The following GALNT13 variants were observed in gnomAD, a reference collection of about 807,000 sequenced individuals.
The protein encoded by GALNT13 is polypeptide N-acetylgalactosaminyltransferase 13.
Under a neutral mutation model 64.2 loss-of-function variants are expected in GALNT13, and 28 were observed. The ratio of observed to expected loss-of-function variants is 0.44; its 90% CI spans 0.32 to 0.60. GALNT13 has a LOEUF of 0.60. GALNT13 is among the 20% of genes least tolerant of loss of function. The pLI is 0.05. For missense variants in GALNT13, 577 were observed against 669.8 expected (o/e 0.86, Z 1.53); for synonymous variants, 214 against 224.6 (o/e 0.95, Z 0.42).
chr2:153,388,390 G>A, the GALNT13 span, among the ~76,000 whole-genome samples: 4 of 152,008 alleles, frequency 2.6e-5, no homozygotes, highest in African/African-American at 7.2e-5. Context: ...CTCAGGCAGT[G>A]TCTCATGAGA....
the GALNT13 span, among the ~76,000 whole-genome samples, chr2:153,110,103 C>T: frequency 6.6e-6 from 1 of 152,094 alleles, no homozygotes; most frequent in African/African-American, 2.4e-5. Context: ...GATTAATACA[C>T]ATTCATGAAG....
At chr2:153,595,115 A>T in the GALNT13 span, among the ~76,000 whole-genome samples, 1 of 152,232 alleles carries the variant, frequency 6.6e-6, no homozygotes, top group African/African-American at 2.4e-5. Flanking sequence ...GAGTGAAAAA[A>T]TAGGAGAAAA....
chr2:154,250,423 C>T (rs1029158059), intron 7 of GALNT13, among the ~76,000 whole-genome samples: 4 of 152,016 alleles, frequency 2.6e-5, no homozygotes, highest in East Asian at 3.9e-4. Context: ...CAATTACTTA[C>T]GATGTTTCTC....
At chr2:153,813,295 C>T in the GALNT13 span, among the ~76,000 whole-genome samples, 2 of 152,252 alleles carry the variant, frequency 1.3e-5, no homozygotes, top group African/African-American at 2.4e-5. Flanking sequence ...AATTTGCATA[C>T]TGATAAAACA....
chr2:154,293,808 A>C (rs1256506824), intron 8 of GALNT13, among the ~76,000 whole-genome samples: 2 of 151,866 alleles, frequency 1.3e-5, no homozygotes, highest in Non-Finnish European at 2.9e-5. Flanking sequence ...GTCATTGTGG[A>C]CTCCACTCAA....
At chr2:154,110,943 C>T (rs919250924) in intron 3 of GALNT13, among the ~76,000 whole-genome samples, 22 of 152,118 alleles carry the variant, frequency 1.4e-4, no homozygotes, top group African/African-American at 4.8e-4. Flanking sequence ...AATACTATTA[C>T]ATAAAGTTAG....
chr2:154,410,322 C>T (rs2105395635), intron 11 of GALNT13, among the ~76,000 whole-genome samples: 1 of 152,028 alleles, frequency 6.6e-6, no homozygotes, highest in East Asian at 1.9e-4. Flanking sequence ...TTAATTTTCT[C>T]ACATAATAAA....
At chr2:154,057,864 A>T (rs1699975476) in intron 3 of GALNT13, among the ~76,000 whole-genome samples, 1 of 152,346 alleles carries the variant, frequency 6.6e-6, no homozygotes, top group Admixed American at 6.5e-5. Flanking sequence ...AAGGAAAAGT[A>T]CTTTTAGAAT....
intron 12 of GALNT13, among the ~76,000 whole-genome samples, chr2:154,444,913 A>G (rs1701488595): frequency 6.6e-6 from 1 of 152,068 alleles, no homozygotes; most frequent in South Asian, 2.1e-4. Context: ...TTTTAGTGAT[A>G]GAAAAAATGC....
chr2:153,319,554 T>A, the GALNT13 span, among the ~76,000 whole-genome samples: 1 of 152,178 alleles, frequency 6.6e-6, no homozygotes, highest in Non-Finnish European at 1.5e-5. Flanking sequence ...GTTGGAATTA[T>A]AGGTGTGAGC....
At chr2:154,162,674 A>G (rs1684802927) in intron 4 of GALNT13, among the ~76,000 whole-genome samples, 1 of 152,214 alleles carries the variant, frequency 6.6e-6, no homozygotes, top group South Asian at 2.1e-4. Flanking sequence ...ACAGTGTTAG[A>G]TAAAGAGACA....
intron 4 of GALNT13, among the ~76,000 whole-genome samples, chr2:154,225,149 A>G (rs1167797713): frequency 1.2e-5 from 1 of 80,980 alleles, no homozygotes; most frequent in East Asian, 3.0e-4. Flanking sequence ...GATAGATGAC[A>G]GATAGATAGA....
chr2:153,768,338 T>C, the GALNT13 span, among the ~76,000 whole-genome samples: 2 of 152,192 alleles, frequency 1.3e-5, no homozygotes, highest in African/African-American at 4.8e-5. Context: ...ACATCCAGAA[T>C]GTCACTGTTG....
chr2:154,256,036 T>TCA (rs1690352443), intron 7 of GALNT13, among the ~76,000 whole-genome samples: 1 of 151,334 alleles, frequency 6.6e-6, no homozygotes, highest in South Asian at 2.1e-4. Flanking sequence ...AGCCTGGGTG[T>TCA]CAGAGTGAGA....
intron 4 of GALNT13, among the ~76,000 whole-genome samples, chr2:154,208,065 A>G (rs1687560066): frequency 1.3e-5 from 2 of 152,144 alleles, no homozygotes; most frequent in Admixed American, 6.5e-5. Flanking sequence ...GATGTTATCA[A>G]TTTTTCATAA....
the GALNT13 span, among the ~76,000 whole-genome samples, chr2:153,487,831 A>G: frequency 6.6e-6 from 1 of 152,338 alleles, no homozygotes; most frequent in Non-Finnish European, 1.5e-5. Context: ...AAGGAATTTG[A>G]AGGGTCCAAA....
chr2:154,282,964 C>T (rs1692044786), intron 8 of GALNT13, among the ~76,000 whole-genome samples: 1 of 152,076 alleles, frequency 6.6e-6, no homozygotes, highest in Non-Finnish European at 1.5e-5. Context: ...ATCAAAATGA[C>T]AATGAAGAAA....
intron 9 of GALNT13, among the ~76,000 whole-genome samples, chr2:154,317,747 C>A (rs897797538): frequency 2.0e-5 from 3 of 152,052 alleles, no homozygotes; most frequent in Non-Finnish European, 4.4e-5. Context: ...TCCATTCACT[C>A]ACCACAGTGT....
chr2:154,122,940 G>T (rs769450983), intron 3 of GALNT13, among the ~76,000 whole-genome samples: 1 of 151,812 alleles, frequency 6.6e-6, no homozygotes, highest in Non-Finnish European at 1.5e-5. Flanking sequence ...ATCCAGGGGT[G>T]GGGGGTAAAT....
Sources: allele counts gnomAD v4.1 joint callset (sites outside exome capture counted in the v4.1 genomes callset), GRCh38; gene constraint gnomAD v4.1.1; transcripts MANE v1.5; gene names NCBI Gene and HGNC (gene_info 2026-07-23, HGNC 2026-07-21).